Variants in CAMTA1 observed in about 807,000 individuals in gnomAD.
CAMTA1 encodes the protein calmodulin-binding transcription activator 1.
CAMTA1 carries 27 observed loss-of-function variants against 170.9 expected under a neutral mutation model. The ratio of observed to expected loss-of-function variants is 0.16; its 90% CI spans 0.12 to 0.22. The LOEUF (loss-of-function observed/expected upper bound fraction) is 0.22. Ranked by LOEUF, CAMTA1 falls within the 10% of genes least tolerant of loss-of-function variation. CAMTA1 has a pLI of 1.00. For synonymous variants in CAMTA1, 833 were observed against 891.5 expected (o/e 0.93, Z 1.17); for missense variants, 1,619 against 2,217.2 (o/e 0.73, Z 5.42).
intron 5 of CAMTA1, among the ~76,000 whole-genome samples, chr1:7,384,208 T>C (rs1307940703): frequency 6.6e-6 from 1 of 152,232 alleles, no homozygotes; most frequent in African/African-American, 2.4e-5. Flanking sequence ...GGCTCCATTC[T>C]GAAAGCACCA....
intron 3 of CAMTA1, chr1:6,886,179 A>G: frequency 2.2e-6 from 1 of 455,392 alleles, no homozygotes; most frequent in Non-Finnish European, 4.4e-6. Flanking sequence ...CAAGCCCAAA[A>G]TGTAAACTTA....
intron 3 of CAMTA1, among the ~76,000 whole-genome samples, chr1:6,992,612 G>A (rs1184163802): frequency 1.3e-5 from 2 of 152,240 alleles, no homozygotes; most frequent in Non-Finnish European, 2.9e-5. Context: ...TACAGGAATT[G>A]TGGCTGGGGA....
rs573105070 is a variant in CAMTA1 at position 7,557,844 on chromosome 1, A to G, written c.511-82556A>G. On this transcript the variant is annotated intron_variant, in intron 6 of 22. Transcript: ENST00000303635. ...CATCTCGGGATCTGGGGTGACCGCA[A>G]GGGTCTTCTCTGGGAGCATCTGAGT... 1.1e-4 allele frequency among the ~76,000 whole-genome samples: 17 copies of G among 152,248 alleles called. No homozygotes were observed. The South Asian group carries it at 1.7e-3, about 15-fold the overall frequency.
intron 4 of CAMTA1, among the ~76,000 whole-genome samples, chr1:7,170,165 A>G (rs1248754813): frequency 2.0e-5 from 3 of 152,204 alleles, no homozygotes; most frequent in South Asian, 4.1e-4. Context: ...TAAATGAACA[A>G]TTCCTTTCTA....
chr1:7,656,869 C>T (rs973014435), intron 7 of CAMTA1, among the ~76,000 whole-genome samples: 1 of 152,272 alleles, frequency 6.6e-6, no homozygotes, highest in African/African-American at 2.4e-5. Flanking sequence ...GGAAGCGCTG[C>T]TGCCTTGCCA....
intron 11 of CAMTA1, among the ~76,000 whole-genome samples, chr1:7,723,365 G>T (rs1179953358): frequency 6.6e-6 from 1 of 152,148 alleles, no homozygotes; most frequent in East Asian, 1.9e-4. Flanking sequence ...ATAAATAACA[G>T]TATCAGATTG....
intron 5 of CAMTA1, among the ~76,000 whole-genome samples, chr1:7,440,068 C>T (rs954832534): frequency 2.6e-5 from 4 of 152,266 alleles, no homozygotes; most frequent in Non-Finnish European, 5.9e-5. Flanking sequence ...CTGGGCATCC[C>T]ATGTGCCCCA....
rs200276712 is a variant in CAMTA1 at position 7,688,059 on chromosome 1, A to G, written c.2914+10326A>G. Among the ~76,000 whole-genome samples, 3 of 127,680 alleles carry G rather than the reference A, an allele frequency of 2.3e-5. No individual in the cohort carries two copies. The East Asian group carries it at 7.0e-4, about 30-fold the overall frequency. 83.8% of individuals were successfully genotyped at this position (127,680 alleles called of 152,430 possible). On this transcript the variant is annotated intron_variant, in intron 11 of 22. Coordinates refer to ENST00000303635, the MANE Select transcript of CAMTA1 (RefSeq NM_015215.4). ...AGTCTTGCTCTGTCGTTCAGGCTAG[A>G]GTATAGTGGCTCCATTTCAGCTTAC...
At chr1:7,510,459 C>A (rs1340234893) in intron 6 of CAMTA1, among the ~76,000 whole-genome samples, 1 of 145,860 alleles carries the variant, frequency 6.9e-6, no homozygotes, top group African/African-American at 2.5e-5. Flanking sequence ...GCCACCTTCC[C>A]ACTTGTTAAG....
intron 3 of CAMTA1, among the ~76,000 whole-genome samples, chr1:6,907,365 G>A (rs1166328528): frequency 2.0e-5 from 3 of 151,982 alleles, no homozygotes; most frequent in Non-Finnish European, 2.9e-5. Context: ...CTCTCCCGGC[G>A]CCCCCTCCTG....
At chr1:7,410,042 A>G (rs1283772909) in intron 5 of CAMTA1, among the ~76,000 whole-genome samples, 3 of 152,234 alleles carry the variant, frequency 2.0e-5, no homozygotes, top group African/African-American at 7.2e-5. Context: ...GGGGGCCAGT[A>G]GGTTTGTGTT....
In CAMTA1 at chr1:6,867,356, AAAT is replaced by A. The variant is rs573301804; in HGVS notation, c.234+42151_234+42153del. On this transcript the variant is annotated intron_variant, in intron 3 of 22. Transcript: ENST00000303635. ...TTTTTCTTTTTGAGGAGTATTGTGGAAATAATATGATTGTAGGTATAGGTTGCT... is the reference window on the plus strand; with the variant it reads ...TTTTTCTTTTTGAGGAGTATTGTGGAAATATGATTGTAGGTATAGGTTGCT... Among the ~76,000 whole-genome samples the A allele has an allele frequency of 8.5e-5, 13 of 152,228 alleles. No homozygotes were observed. The South Asian group carries it at 2.7e-3, about 32-fold the overall frequency.
chr1:7,176,489 A>G (rs1038009987), intron 4 of CAMTA1, among the ~76,000 whole-genome samples: 2 of 152,172 alleles, frequency 1.3e-5, no homozygotes, highest in Non-Finnish European at 2.9e-5. Context: ...CCCATAGGGT[A>G]TCCTTAGGCC....
At chr1:7,556,778 C>G (rs1312336255) in intron 6 of CAMTA1, among the ~76,000 whole-genome samples, 1 of 152,170 alleles carries the variant, frequency 6.6e-6, no homozygotes, top group Non-Finnish European at 1.5e-5. Flanking sequence ...ACCAGCTCCC[C>G]TCCCTCACTG....
chr1:7,651,011 G>C (rs1242227583), intron 7 of CAMTA1, among the ~76,000 whole-genome samples: 1 of 152,172 alleles, frequency 6.6e-6, no homozygotes, highest in East Asian at 1.9e-4. Context: ...TTCACTCCAG[G>C]AGAGGCACGT....
chr1:7,223,460 A>G (rs529120028), intron 4 of CAMTA1, among the ~76,000 whole-genome samples: 3 of 152,118 alleles, frequency 2.0e-5, no homozygotes, highest in African/African-American at 7.2e-5. Flanking sequence ...TACTAGGGTC[A>G]CCTAACAGGG....
At chr1:7,623,121 C>A (rs1428009806) in intron 6 of CAMTA1, among the ~76,000 whole-genome samples, 1 of 152,218 alleles carries the variant, frequency 6.6e-6, no homozygotes, top group East Asian at 1.9e-4. Flanking sequence ...CCACTTCATG[C>A]CATCCAGAAC....
chr1:7,409,108 G>T (rs1002686954), intron 5 of CAMTA1, among the ~76,000 whole-genome samples: 2 of 152,200 alleles, frequency 1.3e-5, no homozygotes, highest in Non-Finnish European at 2.9e-5. Flanking sequence ...GCTACACATG[G>T]AGCCCAAGGG....
At chr1:7,103,870 C>T (rs111203640) in intron 4 of CAMTA1, among the ~76,000 whole-genome samples, 1,540 of 104,508 alleles carry the variant, frequency 0.015, 37 homozygotes, top group East Asian at 0.096. Flanking sequence ...TACACACACA[C>T]ACAACTACAC....
Sources: gnomAD v4.1 joint callset for allele counts (sites outside exome capture counted in the v4.1 genomes callset) on GRCh38, gnomAD v4.1.1 for gene constraint, MANE v1.5 for transcripts, NCBI Gene and HGNC (gene_info 2026-07-23, HGNC 2026-07-21) for gene names.